Variants in RBFOX1 observed in about 807,000 individuals in gnomAD.
The protein encoded by RBFOX1 is RNA binding fox-1 homolog 1.
RBFOX1 carries 8 observed loss-of-function variants against 57.7 expected under a neutral mutation model. The ratio of observed to expected loss-of-function variants is 0.14; its 90% confidence interval spans 0.08 to 0.25. The LOEUF is 0.25. RBFOX1 is among the 10% of genes least tolerant of loss of function. RBFOX1 has a pLI of 1.00. For synonymous variants in RBFOX1, 326 were observed against 222.4 expected (o/e 1.47, Z -4.15); for missense variants, 611 against 548.5 (o/e 1.11, Z -1.14).
chr16:5,428,144 G>T (rs2067621906), intron 1 of RBFOX1, among the ~76,000 whole-genome samples: 1 of 150,442 alleles, frequency 6.6e-6, no homozygotes, highest in South Asian at 2.1e-4. Flanking sequence ...GTGTGTGTGT[G>T]TGTATGTGTG....
chr16:6,762,440 A>G (rs1471786752), intron 3 of RBFOX1, among the ~76,000 whole-genome samples: 1 of 152,182 alleles, frequency 6.6e-6, no homozygotes, highest in Non-Finnish European at 1.5e-5. Flanking sequence ...CAATGAAATT[A>G]TGGATTACCT....
intron 1 of RBFOX1, among the ~76,000 whole-genome samples, chr16:6,111,941 TAAG>T (rs1210785643): frequency 6.6e-6 from 1 of 152,170 alleles, no homozygotes; most frequent in Non-Finnish European, 1.5e-5. Flanking sequence ...GTTTTGGACT[TAAG>T]AAACATATGC....
At chr16:6,958,777 A>C (rs1310444638) in intron 3 of RBFOX1, among the ~76,000 whole-genome samples, 2 of 152,174 alleles carry the variant, frequency 1.3e-5, no homozygotes, top group African/African-American at 4.8e-5. Context: ...CAGAAACATT[A>C]ATGAAAATGA....
intron 2 of RBFOX1, among the ~76,000 whole-genome samples, chr16:6,442,100 C>T (rs2191429): frequency 0.039 from 5,993 of 152,186 alleles, 413 homozygotes; most frequent in African/African-American, 0.14. Flanking sequence ...TCACAGGCTG[C>T]CGGGTGATAG....
intron 3 of RBFOX1, among the ~76,000 whole-genome samples, chr16:6,885,652 C>G (rs2063842415): frequency 6.6e-6 from 1 of 152,064 alleles, no homozygotes; most frequent in South Asian, 2.1e-4. Flanking sequence ...CTGCCTTAGC[C>G]TCCCTAGTAG....
At chr16:6,654,545 A>T in intron 2 of RBFOX1, 58 bp from the exon 3 acceptor site, 1 of 1,347,318 alleles carries the variant, frequency 7.4e-7, no homozygotes, top group South Asian at 1.4e-5. Context: ...ATGTTCTCTG[A>T]CCATAAGTCT....
chr16:5,338,110 C>A lies in RBFOX1; in HGVS notation c.219+98005C>A, dbSNP rs550293358. 2.0e-5 allele frequency among the ~76,000 whole-genome samples: 3 copies of A among 152,190 alleles called. No individual in the cohort carries two copies. The East Asian group carries it at 5.8e-4, about 29-fold the overall frequency. ...TAGAGGGTGATCCCAGGCAGAGAGG[C>A]TTTTGAGATGCTGCTGCTGGGTACT... On this transcript the variant is annotated intron_variant, in intron 1 of 2. Coordinates refer to the RBFOX1 transcript ENST00000585867.
At chr16:6,469,414 C>T (rs1004982990) in intron 2 of RBFOX1, among the ~76,000 whole-genome samples, 1 of 152,194 alleles carries the variant, frequency 6.6e-6, no homozygotes, top group Non-Finnish European at 1.5e-5. Flanking sequence ...GACAAGTTTT[C>T]TCCAGGTCTG....
At chr16:7,614,574 ACTG>A (rs1228644275) in intron 10 of RBFOX1, 1 of 152,216 alleles carries the variant, frequency 6.6e-6, no homozygotes, top group Non-Finnish European at 1.5e-5. Flanking sequence ...TCTGTCAAGA[ACTG>A]CTCCCCCCAA....
intron 2 of RBFOX1, among the ~76,000 whole-genome samples, chr16:6,499,667 A>C (rs762759165): frequency 4.6e-5 from 7 of 152,092 alleles, no homozygotes; most frequent in Non-Finnish European, 1.0e-4. Flanking sequence ...TAATGTGTCA[A>C]CATCACTTCA....
intron 4 of RBFOX1, among the ~76,000 whole-genome samples, chr16:7,061,042 G>A (rs982652634): frequency 1.2e-4 from 18 of 151,682 alleles, no homozygotes; most frequent in African/African-American, 3.9e-4. Context: ...GTGTGTGTAC[G>A]TGCACGTGCA....
At chr16:7,068,022 C>A (rs926601160) in intron 4 of RBFOX1, among the ~76,000 whole-genome samples, 3 of 144,516 alleles carry the variant, frequency 2.1e-5, no homozygotes, top group Non-Finnish European at 4.5e-5. Context: ...TTTCATGAAT[C>A]ACTCTCATGG....
At chr16:7,171,090 C>A (rs141903843) in intron 4 of RBFOX1, among the ~76,000 whole-genome samples, 152 of 152,310 alleles carry the variant, frequency 1.0e-3, no homozygotes, top group African/African-American at 3.4e-3. Context: ...CCAGCTCCAT[C>A]CCAGCTTTCT....
At chr16:6,898,304 C>A (rs1242892879) in intron 3 of RBFOX1, among the ~76,000 whole-genome samples, 1 of 152,166 alleles carries the variant, frequency 6.6e-6, no homozygotes, top group African/African-American at 2.4e-5. Flanking sequence ...CCTCCACGAC[C>A]TCTCAGAGCA....
chr16:5,859,437 A>T (rs2057154772), intron 3 of RBFOX1, among the ~76,000 whole-genome samples: 1 of 152,228 alleles, frequency 6.6e-6, no homozygotes, highest in African/African-American at 2.4e-5. Context: ...TTTTTAAATA[A>T]GGAAACTGAG....
intron 3 of RBFOX1, among the ~76,000 whole-genome samples, chr16:6,951,108 T>C (rs2080660134): frequency 6.6e-6 from 1 of 152,114 alleles, no homozygotes. Flanking sequence ...GGACTCCCTA[T>C]GTTGCCCAGG....
At chr16:6,246,110 C>G (rs1279526928) in intron 1 of RBFOX1, among the ~76,000 whole-genome samples, 2 of 152,006 alleles carry the variant, frequency 1.3e-5, no homozygotes, top group African/African-American at 2.4e-5. Flanking sequence ...ACAACAAAAC[C>G]CAAATGACTG....
chr16:5,619,656 G>C (rs8062284), intron 3 of RBFOX1, among the ~76,000 whole-genome samples: 13,321 of 152,198 alleles, frequency 0.088, 1,914 homozygotes, highest in African/African-American at 0.3. Context: ...TGGCAAAGAG[G>C]GGGGCCTGCA....
chr16:7,482,641 G>C (rs964179839), intron 4 of RBFOX1, among the ~76,000 whole-genome samples: 1 of 149,876 alleles, frequency 6.7e-6, no homozygotes, highest in Non-Finnish European at 1.5e-5. Flanking sequence ...GAGAACCCAG[G>C]AGGAAGAAGA....
Sources: allele counts gnomAD v4.1 joint callset (sites outside exome capture counted in the v4.1 genomes callset), GRCh38; gene constraint gnomAD v4.1.1; transcripts MANE v1.5; gene names NCBI Gene and HGNC (gene_info 2026-07-23, HGNC 2026-07-21).